Variants in SHC3 observed in about 807,000 individuals in gnomAD.
SHC3 encodes SHC-transforming protein 3.
In SHC3, 15 loss-of-function variants were observed where a neutral mutation model predicts 60.4. That is an observed-to-expected ratio of 0.25 (90% confidence interval 0.17 to 0.38). The LOEUF (loss-of-function observed/expected upper bound fraction) is 0.38. Ranked by LOEUF, SHC3 falls within the 10% of genes least tolerant of loss-of-function variation. The pLI, the probability that SHC3 is intolerant of heterozygous loss-of-function variation, is 1.00. For missense variants in SHC3, 677 were observed against 786.1 expected (o/e 0.86, Z 1.66); for synonymous variants, 294 against 325.9 (o/e 0.90, Z 1.05).
chr9:89,150,073 T>G (rs1206044312), intron 1 of SHC3, among the ~76,000 whole-genome samples: 1 of 152,248 alleles, frequency 6.6e-6, no homozygotes, highest in Non-Finnish European at 1.5e-5. Flanking sequence ...GATGCTGACT[T>G]GTCATCATAA....
chr9:89,174,912 G>C (rs1016064365), intron 1 of SHC3, among the ~76,000 whole-genome samples: 2 of 152,212 alleles, frequency 1.3e-5, no homozygotes, highest in African/African-American at 4.8e-5. Context: ...GGACAGAGAA[G>C]GTGGAGGACC....
chr9:89,147,156 T>C (rs1826480216), intron 1 of SHC3, among the ~76,000 whole-genome samples: 1 of 89,586 alleles, frequency 1.1e-5, no homozygotes, highest in Non-Finnish European at 2.1e-5. Flanking sequence ...TTTCTGTAAC[T>C]GGCAAAATAA....
At chr9:89,035,856 T>TATATATA (rs1317555722) in intron 11 of SHC3, among the ~76,000 whole-genome samples, 42 of 88,968 alleles carry the variant, frequency 4.7e-4, no homozygotes, top group Non-Finnish European at 7.7e-4. Flanking sequence ...TATAGATGTG[T>TATATATA]GTGTGTGTGT....
At chr9:89,130,037 C>G (rs1321063779) in intron 1 of SHC3, among the ~76,000 whole-genome samples, 3 of 152,012 alleles carry the variant, frequency 2.0e-5, no homozygotes, top group Non-Finnish European at 4.4e-5. Context: ...GACACACACA[C>G]ACTCAAAATA....
chr9:89,121,960 A>G (rs972746855), intron 1 of SHC3, among the ~76,000 whole-genome samples: 2 of 152,230 alleles, frequency 1.3e-5, no homozygotes, highest in Non-Finnish European at 2.9e-5. Flanking sequence ...GAAGCCTTGC[A>G]TCATGAGAAA....
Position 89,097,811 on chromosome 9 carries a change from G to A in SHC3, c.545+14745C>T, listed in dbSNP as rs73654728. On this transcript the variant is annotated intron_variant, in intron 2 of 11. Transcript: ENST00000375835. ...AAAGTAATGGGGTTCAATCTCCATC[G>A]CTTTTAGACACTTTAGACTTTGTGC... Among the ~76,000 whole-genome samples the A allele has an allele frequency of 8.3e-3, 1,265 of 152,174 alleles. 16 individuals are homozygous for A. Among genetic ancestry groups the A allele is most frequent in the African/African-American group, 0.028 (1,156 of 41,496 alleles).
intron 11 of SHC3, among the ~76,000 whole-genome samples, chr9:89,027,340 G>A (rs868669930): frequency 1.8e-5 from 1 of 56,970 alleles, no homozygotes; most frequent in Non-Finnish European, 3.6e-5. Context: ...TTTTTTTTTT[G>A]AGACTGAGTC....
intron 1 of SHC3, among the ~76,000 whole-genome samples, chr9:89,174,143 CA>C: frequency 6.6e-6 from 1 of 151,892 alleles, no homozygotes; most frequent in Non-Finnish European, 1.5e-5. Flanking sequence ...TACACTTTGT[CA>C]AGTGAAAAAA....
intron 1 of SHC3, among the ~76,000 whole-genome samples, chr9:89,172,063 A>G (rs1230347667): frequency 6.6e-6 from 1 of 152,236 alleles, no homozygotes; most frequent in African/African-American, 2.4e-5. Flanking sequence ...GGGCTGAGGT[A>G]TATCCGGCAC....
chr9:89,117,823 C>T (rs1587736698), intron 1 of SHC3, among the ~76,000 whole-genome samples: 1 of 151,984 alleles, frequency 6.6e-6, no homozygotes, highest in Non-Finnish European at 1.5e-5. Flanking sequence ...ATTCGGAATG[C>T]ATTTGTCTAC....
In SHC3 at chr9:89,095,707, A is replaced by G. The variant is rs563974137; in HGVS notation, c.545+16849T>C. On this transcript the variant is annotated intron_variant, in intron 2 of 11. Coordinates refer to ENST00000375835, the MANE Select transcript of SHC3 (RefSeq NM_016848.6). Reference sequence around the variant, plus strand: ...GCCACACACTGAGAGCTATGGGCACAGTCACAGGGCTCAGTTGCAGCCTGA... The same window carrying G: ...GCCACACACTGAGAGCTATGGGCACGGTCACAGGGCTCAGTTGCAGCCTGA... Among the ~76,000 whole-genome samples the G allele has an allele frequency of 1.3e-3, 198 of 152,314 alleles. 1 individual carries two copies. The highest frequency in any genetic ancestry group is 4.7e-3 in the African/African-American group (194 of 41,576).
At chr9:89,034,603 G>A (rs547970958) in intron 11 of SHC3, among the ~76,000 whole-genome samples, 4 of 152,210 alleles carry the variant, frequency 2.6e-5, no homozygotes, top group Admixed American at 6.5e-5. Context: ...AAGTGTCCAG[G>A]CACAAGATCA....
intron 1 of SHC3, among the ~76,000 whole-genome samples, chr9:89,125,031 C>G (rs1466875573): frequency 6.6e-6 from 1 of 152,026 alleles, no homozygotes; most frequent in Non-Finnish European, 1.5e-5. Context: ...TGTGGGGCAG[C>G]AAAAGAAATA....
chr9:89,041,307 T>C (rs1357251359), intron 10 of SHC3, among the ~76,000 whole-genome samples: 2 of 152,254 alleles, frequency 1.3e-5, no homozygotes, highest in East Asian at 3.8e-4. Flanking sequence ...TATAATGCTA[T>C]CTGCAATAGA....
intron 6 of SHC3, among the ~76,000 whole-genome samples, chr9:89,059,751 G>A (rs867886751): frequency 2.1e-3 from 263 of 122,746 alleles, no homozygotes; most frequent in Middle Eastern, 9.6e-3. Flanking sequence ...ACGTGGTGGA[G>A]GATGGTGGTG....
chr9:89,118,888 T>C (rs1167725991), intron 1 of SHC3, among the ~76,000 whole-genome samples: 1 of 152,148 alleles, frequency 6.6e-6, no homozygotes, highest in Admixed American at 6.5e-5. Context: ...GGATGTGGGC[T>C]GCAAGAAACA....
At chr9:89,045,895 G>A (rs1390273113) in intron 8 of SHC3, 62 bp from the exon 9 acceptor site, 1 of 1,547,226 alleles carries the variant, frequency 6.5e-7, no homozygotes, top group Non-Finnish European at 8.9e-7. Flanking sequence ...CACCACTTTT[G>A]AAAGCCACAA....
intron 2 of SHC3, among the ~76,000 whole-genome samples, chr9:89,104,753 C>G (rs937988137): frequency 2.6e-5 from 4 of 152,200 alleles, no homozygotes; most frequent in Non-Finnish European, 5.9e-5. Flanking sequence ...GTTTATCTAT[C>G]CTCTCACCCT....
intron 1 of SHC3, among the ~76,000 whole-genome samples, chr9:89,142,259 T>C (rs1053152393): frequency 1.3e-5 from 2 of 152,146 alleles, no homozygotes; most frequent in East Asian, 3.9e-4. Context: ...CCTTGCCTTT[T>C]ATTAAGAGGG....
Sources: gnomAD v4.1 joint callset for allele counts (sites outside exome capture counted in the v4.1 genomes callset) on GRCh38, gnomAD v4.1.1 for gene constraint, MANE v1.5 for transcripts, NCBI Gene and HGNC (gene_info 2026-07-23, HGNC 2026-07-21) for gene names.